CNTNAP4: variants seen among roughly 807,000 people sequenced by gnomAD.
CNTNAP4 encodes the protein contactin-associated protein-like 4.
A neutral mutation model predicts 148.4 loss-of-function variants in CNTNAP4; 98 were observed. That is an observed-to-expected ratio of 0.66 (90% CI 0.56 to 0.78). The LOEUF (loss-of-function observed/expected upper bound fraction) is 0.78. Among genes scored for constraint, CNTNAP4 ranks in the 30% least tolerant of loss-of-function variants. CNTNAP4 has a pLI of 0.00. For synonymous variants in CNTNAP4, 730 were observed against 565.1 expected, an observed-to-expected ratio of 1.29 and a Z score of -4.14; for missense variants, 1,935 against 1,565.6, an observed-to-expected ratio of 1.24 and a Z score of -3.98.
chr16:76,337,891 A>C (rs529452207), intron 2 of CNTNAP4, among the ~76,000 whole-genome samples: 1 of 152,124 alleles, frequency 6.6e-6, no homozygotes, highest in East Asian at 1.9e-4. Context: ...ATTCTGCCTG[A>C]CCCCGCAGGC....
At chr16:76,349,836 C>G (rs1471455354) in intron 2 of CNTNAP4, among the ~76,000 whole-genome samples, 2 of 152,038 alleles carry the variant, frequency 1.3e-5, no homozygotes, top group Non-Finnish European at 2.9e-5. Context: ...GTAATTCCTT[C>G]TGTCTCTGCA....
intron 11 of CNTNAP4, among the ~76,000 whole-genome samples, chr16:76,477,287 C>T (rs996923836): frequency 2.0e-5 from 3 of 152,048 alleles, no homozygotes; most frequent in East Asian, 1.9e-4. Flanking sequence ...GTTGTTCTGG[C>T]GCACAAATGG....
chr16:76,311,574 A>G (rs969549192), intron 1 of CNTNAP4, among the ~76,000 whole-genome samples: 3 of 152,202 alleles, frequency 2.0e-5, no homozygotes, highest in African/African-American at 7.2e-5. Flanking sequence ...TCGTTTTACT[A>G]CTTCCAACTG....
chr16:76,524,360 A>G (rs2083620395), intron 17 of CNTNAP4, among the ~76,000 whole-genome samples: 1 of 152,194 alleles, frequency 6.6e-6, no homozygotes, highest in Non-Finnish European at 1.5e-5. Context: ...AAAATGAGAG[A>G]TGGCCACAAC....
chr16:76,538,897 T>A (rs979156864), intron 19 of CNTNAP4, among the ~76,000 whole-genome samples: 4 of 152,044 alleles, frequency 2.6e-5, no homozygotes, highest in African/African-American at 9.7e-5. Context: ...TTACTGCTAT[T>A]TTTCTCTTTC....
chr16:76,397,941 TATACA>T (rs2078262380), intron 3 of CNTNAP4, among the ~76,000 whole-genome samples: 4 of 1,928 alleles, frequency 2.1e-3, no homozygotes, highest in Admixed American at 0.019. Flanking sequence ...TAATAGATTA[TATACA>T]TATATATATA....
At chr16:76,436,659 A>G (rs992387321) in intron 4 of CNTNAP4, among the ~76,000 whole-genome samples, 1 of 152,136 alleles carries the variant, frequency 6.6e-6, no homozygotes, top group Non-Finnish European at 1.5e-5. Flanking sequence ...TTGGTTCTCC[A>G]CATATGGTCA....
chr16:76,348,204 T>C (rs1965072129), intron 2 of CNTNAP4, among the ~76,000 whole-genome samples: 1 of 150,810 alleles, frequency 6.6e-6, no homozygotes, highest in Non-Finnish European at 1.5e-5. Context: ...TTTTTTTTTG[T>C]ACTGAGAAAC....
At chr16:76,420,051 A>T (rs12149429) in intron 3 of CNTNAP4, among the ~76,000 whole-genome samples, 63,493 of 151,342 alleles carry the variant, frequency 0.42, 13,660 homozygotes, top group African/African-American at 0.51. Context: ...CCATGAAAGC[A>T]CAGTTCTCTG....
intron 10 of CNTNAP4, among the ~76,000 whole-genome samples, chr16:76,472,580 G>A (rs759149156): frequency 2.7e-5 from 4 of 149,784 alleles, no homozygotes; most frequent in Non-Finnish European, 5.9e-5. Flanking sequence ...TGCAAAGGAC[G>A]TGATGTCATT....
chr16:76,498,523 T>C (rs1459427142), intron 14 of CNTNAP4, 44 bp from the exon 15 acceptor site: 1 of 1,578,268 alleles, frequency 6.3e-7, no homozygotes, highest in Non-Finnish European at 8.6e-7. Flanking sequence ...CAATAAGGAC[T>C]ATTAAAAGTT....
At chr16:76,489,361 G>T (rs78655064) in intron 12 of CNTNAP4, among the ~76,000 whole-genome samples, 1 of 151,790 alleles carries the variant, frequency 6.6e-6, no homozygotes, top group Non-Finnish European at 1.5e-5. Flanking sequence ...ATGGAATATC[G>T]ATTTCAATGA....
chr16:76,501,119 C>G (rs569269427), intron 15 of CNTNAP4, among the ~76,000 whole-genome samples: 1 of 152,316 alleles, frequency 6.6e-6, no homozygotes, highest in East Asian at 1.9e-4. Context: ...ATTATACTCA[C>G]CATCTCTGAT....
intron 2 of CNTNAP4, among the ~76,000 whole-genome samples, chr16:76,322,302 G>C (rs1245427295): frequency 1.3e-5 from 2 of 152,094 alleles, no homozygotes; most frequent in Non-Finnish European, 2.9e-5. Flanking sequence ...TACAGCTCTT[G>C]ATATTGAGAT....
At chr16:76,311,956 T>A (rs1461090634) in intron 1 of CNTNAP4, among the ~76,000 whole-genome samples, 1 of 152,194 alleles carries the variant, frequency 6.6e-6, no homozygotes, top group Non-Finnish European at 1.5e-5. Context: ...TATTTCCAAT[T>A]TGAAAAGCCC....
chr16:76,379,803 C>A (rs552431053), intron 3 of CNTNAP4, among the ~76,000 whole-genome samples: 1 of 152,198 alleles, frequency 6.6e-6, no homozygotes, highest in Admixed American at 6.5e-5. Flanking sequence ...ATCTTTTCTT[C>A]AAATTGATTC....
chr16:76,355,493 C>A lies in CNTNAP4; in HGVS notation c.372C>A (p.Arg124=). ...SDSGWNWKQY[R]QEDSIWGFSG... ...GTGGCTGGAACTGGAAACAATATCG[C>A]CAAGAGGACAGCATCTGGGTATGTT... The change falls in exon 3 of 24, where the codon CGC becomes CGA. Residue 124 remains arginine (R), a synonymous_variant. Coordinates refer to ENST00000611870, the MANE Select transcript of CNTNAP4 (RefSeq NM_033401.5). 6.2e-7 allele frequency: 1 copy of A among 1,607,438 alleles called. No homozygotes were observed.
At chr16:76,292,228 G>C (rs924261638) in intron 1 of CNTNAP4, among the ~76,000 whole-genome samples, 1 of 152,180 alleles carries the variant, frequency 6.6e-6, no homozygotes, top group Non-Finnish European at 1.5e-5. Flanking sequence ...CTTTTGGAAG[G>C]AGAAATGTAA....
At chr16:76,309,090 C>G (rs1283888856) in intron 1 of CNTNAP4, among the ~76,000 whole-genome samples, 1 of 151,858 alleles carries the variant, frequency 6.6e-6, no homozygotes, top group East Asian at 1.9e-4. Flanking sequence ...CAAGCATGAG[C>G]GAGCACACCT....
Sources: gnomAD v4.1 joint callset for allele counts (sites outside exome capture counted in the v4.1 genomes callset) on GRCh38, gnomAD v4.1.1 for gene constraint, MANE v1.5 for transcripts, NCBI Gene and HGNC (gene_info 2026-07-23, HGNC 2026-07-21) for gene names.